The following ADRA1B variants were observed in gnomAD, a reference collection of about 807,000 sequenced individuals.
The protein encoded by ADRA1B is adrenoceptor alpha 1B.
Under a neutral mutation model 17.9 loss-of-function variants are expected in ADRA1B, and 17 were observed. That is an observed-to-expected ratio of 0.95 (90% CI 0.65 to 1.42). The LOEUF (loss-of-function observed/expected upper bound fraction) is 1.42, where lower values mean the gene tolerates loss of function less well. Among genes scored for constraint, ADRA1B ranks in the 40% most tolerant of loss-of-function variants. ADRA1B has a pLI of 0.00. For synonymous variants in ADRA1B, 366 were observed against 327.6 expected, an observed-to-expected ratio of 1.12 and a Z score of -1.27; for missense variants, 681 against 722.1, an observed-to-expected ratio of 0.94 and a Z score of 0.65.
chr5:159,983,681 C>G, the ADRA1B span, among the ~76,000 whole-genome samples: 1 of 152,122 alleles, frequency 6.6e-6, no homozygotes, highest in Admixed American at 6.6e-5. Flanking sequence ...CATCTGTTTG[C>G]ATAAAATGGC....
intron 1 of ADRA1B, among the ~76,000 whole-genome samples, chr5:159,918,788 C>T (rs751184133): frequency 1.3e-5 from 2 of 152,214 alleles, no homozygotes; most frequent in African/African-American, 2.4e-5. Flanking sequence ...GGGCATCTGT[C>T]ACATGCTGTC....
At chr5:159,908,074 A>G (rs1754182259) in intron 1 of ADRA1B, among the ~76,000 whole-genome samples, 1 of 152,080 alleles carries the variant, frequency 6.6e-6, no homozygotes, top group African/African-American at 2.4e-5. Flanking sequence ...GGAAGAGTTA[A>G]GGCAGGATCC....
At chr5:159,934,731 C>T (rs1754906288) in intron 1 of ADRA1B, among the ~76,000 whole-genome samples, 1 of 151,652 alleles carries the variant, frequency 6.6e-6, no homozygotes, top group Non-Finnish European at 1.5e-5. Context: ...ATCGCCTGAA[C>T]CCAGGAGGTG....
intron 1 of ADRA1B, among the ~76,000 whole-genome samples, chr5:159,866,194 T>A (rs1753650524): frequency 6.6e-6 from 1 of 150,528 alleles, no homozygotes; most frequent in Non-Finnish European, 1.5e-5. Flanking sequence ...TAGTCCCAGC[T>A]AATCAGGAGG....
Position 159,917,693 on chromosome 5 carries a change from A to T in ADRA1B, c.788A>T (p.Asp263Val). 1 of 1,614,058 alleles carries T rather than the reference A, an allele frequency of 6.2e-7. No individual in the cohort carries two copies. The highest frequency in any genetic ancestry group is 8.5e-7 in the Non-Finnish European group (1 of 1,180,016). The change falls in exon 1 of 2, where the codon GAC (aspartate) becomes GTC (valine). Residue 263 changes from aspartate (D) to valine (V), a missense_variant. By Grantham distance (152) the Asp-to-Val change is radical. Around this residue, in one of 3 missense-constraint regions of ADRA1B, gnomAD observed 424 missense variants for 480.2 expected, o/e 0.88. Transcript: ENST00000306675. The part of the protein sequence containing the change: ...LRIHSKNFHE[D>V]TLSSTKAKGH... ...ATCCATTCCAAGAACTTTCACGAGGACACCCTTAGCAGTACCAAGGCCAAG... is the reference window on the plus strand; with the variant it reads ...ATCCATTCCAAGAACTTTCACGAGGTCACCCTTAGCAGTACCAAGGCCAAG...
chr5:159,934,670 T>C (rs1300897989), intron 1 of ADRA1B, among the ~76,000 whole-genome samples: 4 of 151,930 alleles, frequency 2.6e-5, no homozygotes, highest in African/African-American at 9.7e-5. Flanking sequence ...CCCGGTATGG[T>C]GGCAGGCACC....
chr5:159,878,146 G>A (rs996050455), intron 1 of ADRA1B, among the ~76,000 whole-genome samples: 4 of 152,312 alleles, frequency 2.6e-5, no homozygotes, highest in South Asian at 2.1e-4. Context: ...AGTCCGGGAC[G>A]CCAGGCCCAG....
intron 1 of ADRA1B, among the ~76,000 whole-genome samples, chr5:159,894,051 C>T (rs1439491526): frequency 6.6e-6 from 1 of 152,180 alleles, no homozygotes; most frequent in African/African-American, 2.4e-5. Flanking sequence ...GCCAGAATAT[C>T]CACCTACCTG....
Position 159,885,516 on chromosome 5 carries a change from T to G in ADRA1B, c.-256+20310T>G, listed in dbSNP as rs1022694580. Among the ~76,000 whole-genome samples, 28 of 152,240 alleles carry G rather than the reference T, an allele frequency of 1.8e-4. 1 individual carries two copies. The highest frequency in any genetic ancestry group is 6.8e-4 in the African/African-American group (28 of 41,458). On this transcript the variant is annotated intron_variant, in intron 1 of 2. Coordinates refer to the ADRA1B transcript ENST00000641205. The stretch of plus-strand genomic sequence containing the variant: ...CAAATAGAGAGTCTCAGAAGAGACA[T>G]CATTCTTCTTCCTCTGGACACTAAC...
In ADRA1B at chr5:159,972,520, G is replaced by A. The variant is rs1354421012; in HGVS notation, c.*28G>A. The A allele has an allele frequency of 6.5e-6, 7 of 1,079,754 alleles. No homozygotes were observed. Among genetic ancestry groups the A allele is most frequent in the Non-Finnish European group, 8.0e-6 (7 of 869,666 alleles). The allele number at this position is 1,079,754 out of a possible 1,614,324, so 66.9% of individuals were successfully genotyped here. A position where few individuals can be genotyped will look rare whatever the true frequency, so the allele number is the denominator to read the frequency against. On this transcript the variant is annotated 3_prime_UTR_variant, in exon 2 of 2. Coordinates refer to ENST00000306675, the MANE Select transcript of ADRA1B (RefSeq NM_000679.4). ...CCCCCGTGCGCAGCTTTCTTTCCCT[G>A]GGGAGGAAAACATCGTGGGGGGGAG...
intron 1 of ADRA1B, among the ~76,000 whole-genome samples, chr5:159,899,243 GAAGGAAGGAAGGAAGGAAGA>G (rs1360981178): frequency 2.1e-5 from 3 of 142,604 alleles, no homozygotes; most frequent in African/African-American, 7.9e-5. Flanking sequence ...AGGGAGGGAG[GAAGGAAGGAAGGAAGGAAGA>G]AAGGAAGGAA....
chr5:159,957,738 C>G (rs55872450), intron 1 of ADRA1B, among the ~76,000 whole-genome samples: 9,026 of 151,520 alleles, frequency 0.06, 328 homozygotes, highest in Middle Eastern at 0.079. Flanking sequence ...GAGTTCGAGA[C>G]AAGCCTGGTC....
chr5:159,871,974 T>C (rs1753747526), intron 1 of ADRA1B, among the ~76,000 whole-genome samples: 1 of 152,190 alleles, frequency 6.6e-6, no homozygotes, highest in African/African-American at 2.4e-5. Context: ...CTACTTTATG[T>C]ACTCATGAGG....
chr5:159,913,479 T>C (rs1276118972), upstream of ADRA1B, among the ~76,000 whole-genome samples: 6 of 152,224 alleles, frequency 3.9e-5, no homozygotes, highest in Non-Finnish European at 8.8e-5. Context: ...TGTTTTGCCT[T>C]CACGAAACAC....
chr5:159,880,043 G>T (rs1753840425), intron 1 of ADRA1B, among the ~76,000 whole-genome samples: 1 of 152,130 alleles, frequency 6.6e-6, no homozygotes, highest in South Asian at 2.1e-4. Flanking sequence ...AAAGTAAAGG[G>T]TAGAGAAGAG....
rs1026448585 is a variant in ADRA1B at position 159,966,580 on chromosome 5, G to C, written c.950-5299G>C. ...AAAATGAAATGCAAATGGAACAAGA[G>C]GGCAAGATCAGTGTTCACCTACCAA... On this transcript the variant is annotated intron_variant, in intron 1 of 1. Transcript: ENST00000306675. Among the ~76,000 whole-genome samples the C allele has an allele frequency of 5.9e-5, 9 of 152,228 alleles. 1 individual carries two copies. The East Asian group carries it at 1.3e-3, about 23-fold the overall frequency.
At chr5:159,889,018 T>A (rs990399572) in intron 1 of ADRA1B, among the ~76,000 whole-genome samples, 1 of 152,194 alleles carries the variant, frequency 6.6e-6, no homozygotes, top group Non-Finnish European at 1.5e-5. Context: ...CTTCTATGAC[T>A]GAAGACGCAA....
chr5:159,933,894 AG>A (rs1250196945), intron 1 of ADRA1B, among the ~76,000 whole-genome samples: 3 of 152,376 alleles, frequency 2.0e-5, no homozygotes, highest in African/African-American at 7.2e-5. Flanking sequence ...TTAATAAGGA[AG>A]GATTCCTCTA....
At chr5:159,934,597 G>C (rs1754903004) in intron 1 of ADRA1B, among the ~76,000 whole-genome samples, 1 of 152,068 alleles carries the variant, frequency 6.6e-6, no homozygotes. Context: ...TTGAGGTCAG[G>C]AGTTTGAGAC....
Sources: gnomAD v4.1 joint callset for allele counts (sites outside exome capture counted in the v4.1 genomes callset) on GRCh38, gnomAD v4.1.1 for gene constraint, gnomAD v4.1.1 regional missense constraint, MANE v1.5 for transcripts, NCBI Gene and HGNC (gene_info 2026-07-23, HGNC 2026-07-21) for gene names.